METTL14: variants seen among roughly 807,000 people sequenced by gnomAD.
The protein encoded by METTL14 is methyltransferase 14, N6-adenosine-methyltransferase non-catalytic subunit.
In METTL14, 32 loss-of-function variants were observed where a neutral mutation model predicts 62.4. The observed-to-expected ratio is 0.51, with a 90% CI of 0.39 to 0.69. The LOEUF (loss-of-function observed/expected upper bound fraction) is 0.69. Ranked by LOEUF, METTL14 falls within the 30% of genes least tolerant of loss-of-function variation. The probability of loss-of-function intolerance (pLI) is 0.00; values close to 1 mark genes in which losing one functional copy is unlikely to be tolerated. For synonymous variants in METTL14, 150 were observed against 180.0 expected, an observed-to-expected ratio of 0.83 and a Z score of 1.34; for missense variants, 340 against 551.9, an observed-to-expected ratio of 0.62 and a Z score of 3.85.
intron 10 of METTL14, among the ~76,000 whole-genome samples, chr4:118,708,814 G>C (rs775963788): frequency 5.3e-5 from 8 of 152,124 alleles, no homozygotes; most frequent in Non-Finnish European, 1.0e-4. Flanking sequence ...AAATAATGCT[G>C]TGTCTCTTAT....
chr4:118,711,365 T>C lies in METTL14; in HGVS notation c.*1063T>C, dbSNP rs1490951100. ...CTGTAATTCATGTTTTAAATGAATT[T>C]GATAATGAAATTATACTATTATCAT... On this transcript the variant is annotated 3_prime_UTR_variant, in exon 11 of 11. Coordinates refer to ENST00000388822, the MANE Select transcript of METTL14 (RefSeq NM_020961.4). The C allele has an allele frequency of 6.6e-6, 1 of 152,252 alleles. No individual in the cohort carries two copies. The allele number at this position is 152,252 out of a possible 1,614,324, so 9.4% of individuals were successfully genotyped here.
chr4:118,712,223 CTG>C lies in METTL14; in HGVS notation c.*1925_*1926del, dbSNP rs1344557210. On this transcript the variant is annotated 3_prime_UTR_variant, in exon 11 of 11. Coordinates refer to ENST00000388822, the MANE Select transcript of METTL14 (RefSeq NM_020961.4). Reference sequence around the variant, plus strand: ...GGTTGAGGTGTTGTTTTTGCAATGACTGTGTATTCATTGAGGAAAGGTTTCCA... The same window carrying C: ...GGTTGAGGTGTTGTTTTTGCAATGACTGTATTCATTGAGGAAAGGTTTCCA... 1 of 152,178 alleles carries C rather than the reference CTG, an allele frequency of 6.6e-6. No homozygotes were observed. Among genetic ancestry groups the C allele is most frequent in the Non-Finnish European group, 1.5e-5 (1 of 68,034 alleles). The allele number at this position is 152,178 out of a possible 1,614,324, so 9.4% of individuals were successfully genotyped here.
At position 118,685,939 on chromosome 4, in the gene METTL14, T is replaced by A. The variant is rs1437696388; in HGVS notation, c.66+339T>A. 2.0e-5 allele frequency among the ~76,000 whole-genome samples: 3 copies of A among 152,238 alleles called. No individual in the cohort carries two copies. The East Asian group carries it at 5.8e-4, about 29-fold the overall frequency. ...TTCTCTTCACTATTAAATGGTCATC[T>A]ATTTCTTTCTTTTCTTCGTCGTCAG... On this transcript the variant is annotated intron_variant, in intron 1 of 10. Transcript: ENST00000388822.
At chr4:118,689,300 T>A (rs955407340) in intron 2 of METTL14, 70 bp from the exon 3 acceptor site, 1 of 756,938 alleles carries the variant, frequency 1.3e-6, no homozygotes. Flanking sequence ...ATAACCTGTT[T>A]ATTATTATTA....
intron 1 of METTL14, among the ~76,000 whole-genome samples, chr4:118,687,391 C>T (rs142072835): frequency 2.3e-4 from 35 of 152,220 alleles, no homozygotes; most frequent in African/African-American, 7.9e-4. Flanking sequence ...TATATTAAAT[C>T]GTGTGTATTG....
intron 3 of METTL14, among the ~76,000 whole-genome samples, chr4:118,690,905 T>C (rs953736395): frequency 1.2e-4 from 18 of 152,202 alleles, no homozygotes; most frequent in Non-Finnish European, 2.4e-4. Context: ...TAACTTGTAA[T>C]TGCAATATTT....
chr4:118,701,507 G>C (rs947219150), intron 8 of METTL14, among the ~76,000 whole-genome samples: 3 of 151,990 alleles, frequency 2.0e-5, no homozygotes, highest in Non-Finnish European at 4.4e-5. Flanking sequence ...TCACCAAAAG[G>C]AACAAAATAA....
Position 118,709,118 on chromosome 4 carries a change from G to A in METTL14, c.1067-880G>A, listed in dbSNP as rs541644542. On this transcript the variant is annotated intron_variant, in intron 10 of 10. Transcript: ENST00000388822. ...ATATTTGAATTGGATGTTGAAGGGT[G>A]GGATTTTTAACAGGTTGACAGGATA... 4.6e-5 allele frequency among the ~76,000 whole-genome samples: 7 copies of A among 152,290 alleles called. No individual in the cohort carries two copies. In the South Asian group the frequency reaches 8.3e-4, roughly 18 times the overall value.
chr4:118,703,955 C>G lies in METTL14; in HGVS notation c.759C>G (p.Tyr253Ter). Reference protein sequence around the residue: ...LGRVCLRKWGYRRCEDICWIK... With the variant: ...LGRVCLRKWG ...TCTAGTGTTTACGAAAATGGGGTTA[C>G]AGAAGATGTGAAGATATTTGTTGGA... The change falls in exon 9 of 11, where the codon TAC becomes TAG. Residue 253 changes from tyrosine to a stop codon, truncating the protein, a stop_gained. Transcript: ENST00000388822. LOFTEE classifies it high-confidence loss of function. 1.9e-6 allele frequency: 3 copies of G among 1,570,242 alleles called. No homozygotes were observed. Among genetic ancestry groups the G allele is most frequent in the Non-Finnish European group, 2.6e-6 (3 of 1,165,588 alleles).
Position 118,712,304 on chromosome 4 carries a change from A to G in METTL14, c.*2002A>G, listed in dbSNP as rs1724943111. On this transcript the variant is annotated 3_prime_UTR_variant, in exon 11 of 11. Coordinates refer to ENST00000388822, the MANE Select transcript of METTL14 (RefSeq NM_020961.4). ...AATTTTTGGTCTTCTTTATATTTAC[A>G]TGTCTTACATTCCACAAAATTATTT... 6.6e-6 allele frequency: 1 copy of G among 152,130 alleles called. No individual in the cohort carries two copies. Among genetic ancestry groups the G allele is most frequent in the Non-Finnish European group, 1.5e-5 (1 of 68,026 alleles). 9.4% of individuals were successfully genotyped at this position (152,130 alleles called of 1,614,324 possible).
chr4:118,686,418 C>T, intron 1 of METTL14: 2 of 351,892 alleles, frequency 5.7e-6, no homozygotes, highest in Non-Finnish European at 1.1e-5. Context: ...TTCTACTATT[C>T]AGATCAGTAA....
Position 118,689,075 on chromosome 4 carries a change from G to A in METTL14, c.156-295G>A, listed in dbSNP as rs145903548. ...TTTTCGCTATTCTAGTTTTCAATTTGTACGTCTGTTTTGCTCAAAACAGAT... is the reference window on the plus strand; with the variant it reads ...TTTTCGCTATTCTAGTTTTCAATTTATACGTCTGTTTTGCTCAAAACAGAT... On this transcript the variant is annotated intron_variant, in intron 2 of 10. Transcript: ENST00000388822. Among the ~76,000 whole-genome samples the A allele has an allele frequency of 1.9e-3, 289 of 152,232 alleles. 1 individual carries two copies. The highest frequency in any genetic ancestry group is 6.7e-3 in the African/African-American group (278 of 41,538).
intron 1 of METTL14, chr4:118,686,419 A>G: frequency 2.8e-6 from 1 of 353,080 alleles, no homozygotes; most frequent in Non-Finnish European, 5.6e-6. Context: ...TCTACTATTC[A>G]GATCAGTAAA....
At chr4:118,693,876 CTT>C (rs1036546813) in intron 5 of METTL14, among the ~76,000 whole-genome samples, 12 of 152,084 alleles carry the variant, frequency 7.9e-5, no homozygotes, top group Non-Finnish European at 7.4e-5. Flanking sequence ...AAATCATTTT[CTT>C]TTTTTCTTTG....
At position 118,715,274 on chromosome 4, in the gene METTL14, A is replaced by G. The variant is rs1034430878; in HGVS notation, c.*4972A>G. The G allele has an allele frequency of 2.6e-5, 4 of 152,136 alleles. No homozygotes were observed. The highest frequency in any genetic ancestry group is 9.7e-5 in the African/African-American group (4 of 41,420). 9.4% of individuals were successfully genotyped at this position (152,136 alleles called of 1,614,324 possible). A position where few individuals can be genotyped will look rare whatever the true frequency, so the allele number is the denominator to read the frequency against. ...TTTGTTGTTTTTGAAAGTGGACAAA[A>G]CCTCAAAGCACAATTTTGTTCTGAT... On this transcript the variant is annotated 3_prime_UTR_variant, in exon 11 of 11. Transcript: ENST00000388822.
intron 5 of METTL14, 71 bp downstream of exon 5, chr4:118,692,139 G>C (rs1724266891): frequency 2.2e-6 from 2 of 910,550 alleles, no homozygotes; most frequent in Non-Finnish European, 3.4e-6. Flanking sequence ...TCCAATTTGT[G>C]GATATTTCTA....
At chr4:118,691,651 T>TTTAA in intron 4 of METTL14, 39 bp downstream of exon 4, 1 of 1,051,004 alleles carries the variant, frequency 9.5e-7, no homozygotes, top group Non-Finnish European at 1.4e-6. Flanking sequence ...ACTCTTCATA[T>TTTAA]TTAAGTTCTA....
At chr4:118,690,668 A>ACT (rs1724218718) in intron 3 of METTL14, among the ~76,000 whole-genome samples, 1 of 144,716 alleles carries the variant, frequency 6.9e-6, no homozygotes, top group African/African-American at 2.6e-5. Context: ...CAACAGAGTG[A>ACT]CTCTGTCTCA....
At chr4:118,699,427 CTT>C (rs961317827) in intron 7 of METTL14, among the ~76,000 whole-genome samples, 4 of 152,150 alleles carry the variant, frequency 2.6e-5, no homozygotes, top group African/African-American at 9.7e-5. Flanking sequence ...AGATTAGAGA[CTT>C]AATGCTCTTG....
Sources: allele counts gnomAD v4.1 joint callset (sites outside exome capture counted in the v4.1 genomes callset), GRCh38; gene constraint gnomAD v4.1.1; transcripts MANE v1.5; gene names NCBI Gene and HGNC (gene_info 2026-07-23, HGNC 2026-07-21).